Variants in PHACTR1 observed in about 807,000 individuals in gnomAD.
PHACTR1 encodes the protein RPEL repeat containing 1.
Under a neutral mutation model 69.2 loss-of-function variants are expected in PHACTR1, and 16 were observed. The ratio of observed to expected loss-of-function variants is 0.23; its 90% CI spans 0.16 to 0.35. The LOEUF is 0.35. PHACTR1 is among the 10% of genes least tolerant of loss of function. The pLI, the probability that PHACTR1 is intolerant of heterozygous loss-of-function variation, is 1.00. For missense variants in PHACTR1, 510 were observed against 734.7 expected (o/e 0.69, Z 3.54); for synonymous variants, 312 against 284.5 (o/e 1.10, Z -0.97).
At chr6:12,919,184 C>T (rs531519463) in intron 4 of PHACTR1, among the ~76,000 whole-genome samples, 1 of 151,898 alleles carries the variant, frequency 6.6e-6, no homozygotes, top group Non-Finnish European at 1.5e-5. Context: ...ACTCTATTGC[C>T]CAGGCTGGAG....
intron 4 of PHACTR1, among the ~76,000 whole-genome samples, chr6:12,893,517 T>A (rs941104793): frequency 6.6e-6 from 1 of 152,126 alleles, no homozygotes; most frequent in Non-Finnish European, 1.5e-5. Flanking sequence ...CATTATTACA[T>A]ACTTTATGAT....
At chr6:12,760,239 C>T (rs949606354) in intron 4 of PHACTR1, among the ~76,000 whole-genome samples, 1 of 152,162 alleles carries the variant, frequency 6.6e-6, no homozygotes, top group Non-Finnish European at 1.5e-5. Context: ...GAAACACTCA[C>T]AGGAGAAAAT....
rs143291728 is a variant in PHACTR1 at position 12,796,396 on chromosome 6, C to G, written c.250+46606C>G. The stretch of plus-strand genomic sequence containing the variant: ...TGAGACCTTGTTCCCAGTACAGACT[C>G]TGAACCAGCAGCAGTATTTATCCTG... On this transcript the variant is annotated intron_variant, in intron 4 of 14. Transcript: ENST00000332995. Among the ~76,000 whole-genome samples, 6 of 152,330 alleles carry G rather than the reference C, an allele frequency of 3.9e-5. No individual in the cohort carries two copies. The East Asian group carries it at 5.8e-4, about 15-fold the overall frequency.
At chr6:12,749,439 C>T (rs1766251835) in intron 3 of PHACTR1, 1 of 642,918 alleles carries the variant, frequency 1.6e-6, no homozygotes, top group African/African-American at 1.8e-5. Flanking sequence ...TTCTTTCTCT[C>T]CCTTCACCCC....
At chr6:13,039,344 A>G (rs1803824440) in intron 4 of PHACTR1, among the ~76,000 whole-genome samples, 1 of 152,192 alleles carries the variant, frequency 6.6e-6, no homozygotes, top group Admixed American at 6.5e-5. Flanking sequence ...TCAGTGAGAA[A>G]ACCTTCAAAA....
chr6:12,813,339 CA>C (rs990975344), intron 4 of PHACTR1, among the ~76,000 whole-genome samples: 33 of 152,172 alleles, frequency 2.2e-4, no homozygotes, highest in African/African-American at 7.0e-4. Flanking sequence ...GAACCAGCTT[CA>C]GGGGGGTCTA....
chr6:13,076,438 G>A (rs972941401), intron 5 of PHACTR1, among the ~76,000 whole-genome samples: 5 of 152,198 alleles, frequency 3.3e-5, no homozygotes, highest in Admixed American at 6.5e-5. Context: ...CAACAAACAC[G>A]GAACACCTAG....
rs548250531 is a variant in PHACTR1 at position 13,157,618 on chromosome 6, G to A, written c.416-2586G>A. ...AGTCCAGGGTTCTGCTCACCTCATT[G>A]CAGATCTTCCTTTAGCGCTGTAGAC... is the stretch of plus-strand genomic sequence containing the variant. On this transcript the variant is annotated intron_variant, in intron 5 of 14. Coordinates refer to ENST00000332995, the MANE Select transcript of PHACTR1 (RefSeq NM_030948.6). Among the ~76,000 whole-genome samples, 415 of 152,292 alleles carry A rather than the reference G, an allele frequency of 2.7e-3. 1 individual carries two copies. Among genetic ancestry groups the A allele is most frequent in the Non-Finnish European group, 4.5e-3 (304 of 68,032 alleles).
At chr6:13,280,928 T>C (rs1309566192) in intron 12 of PHACTR1, 3 of 1,285,934 alleles carry the variant, frequency 2.3e-6, no homozygotes, top group Non-Finnish European at 3.0e-6. Context: ...CATGAGCCCA[T>C]GCACACAGAG....
intron 4 of PHACTR1, among the ~76,000 whole-genome samples, chr6:13,011,271 T>C (rs1243785328): frequency 6.6e-6 from 1 of 152,198 alleles, no homozygotes; most frequent in Non-Finnish European, 1.5e-5. Context: ...TTAGTGCAAC[T>C]GAGGAAATGA....
chr6:12,964,377 C>T (rs1311785382), intron 4 of PHACTR1, among the ~76,000 whole-genome samples: 2 of 152,074 alleles, frequency 1.3e-5, no homozygotes, highest in African/African-American at 4.8e-5. Context: ...CTAGAAAAGG[C>T]TTTAGAGATG....
At chr6:13,264,253 C>A (rs1776303894) in intron 10 of PHACTR1, among the ~76,000 whole-genome samples, 1 of 152,190 alleles carries the variant, frequency 6.6e-6, no homozygotes, top group Non-Finnish European at 1.5e-5. Context: ...TCTTCTTCCA[C>A]TCAAAAATAA....
chr6:12,763,585 G>C (rs1040371897), intron 4 of PHACTR1, among the ~76,000 whole-genome samples: 1 of 152,312 alleles, frequency 6.6e-6, no homozygotes, highest in East Asian at 1.9e-4. Flanking sequence ...AGGTGGGAAA[G>C]AAACAATGAC....
At chr6:13,273,323 A>T (rs1401538469) in intron 11 of PHACTR1, 2 of 168,012 alleles carry the variant, frequency 1.2e-5, no homozygotes, top group African/African-American at 4.8e-5. Flanking sequence ...ACTAGAAAGC[A>T]TGACTTTGCA....
At chr6:13,272,987 A>C in intron 11 of PHACTR1, 72 bp downstream of exon 11, 2 of 1,592,416 alleles carry the variant, frequency 1.3e-6, no homozygotes, top group Non-Finnish European at 1.7e-6. Context: ...GGTAGGCCAC[A>C]AGGTTTCTAC....
rs530741132 is a variant in PHACTR1, at chr6:13,177,172, TAAAAAAAAAAAAAAAA to T, written c.497-5331_497-5316del. 2.1e-4 allele frequency among the ~76,000 whole-genome samples: 13 copies of T among 63,376 alleles called. 1 individual carries two copies. Among genetic ancestry groups the T allele is most frequent in the African/African-American group, 1.1e-3 (11 of 9,782 alleles). The allele number at this position is 63,376 out of a possible 152,430, so 41.6% of individuals were successfully genotyped here. On this transcript the variant is annotated intron_variant, in intron 6 of 14. Coordinates refer to ENST00000332995, the MANE Select transcript of PHACTR1 (RefSeq NM_030948.6). ...TGGCAAAATAGCAAGACCCCATCTC[TAAAAAAAAAAAAAAAA>T]AAAAAAAAAAAAAAATCCAGGCATG...
intron 3 of PHACTR1, among the ~76,000 whole-genome samples, chr6:12,737,025 C>A (rs1475422037): frequency 7.0e-6 from 1 of 143,674 alleles, no homozygotes; most frequent in East Asian, 2.8e-4. Context: ...ATATATATAC[C>A]TTACCCATAT....
Position 13,160,199 on chromosome 6 carries a change from T to G in PHACTR1, c.416-5T>G, listed in dbSNP as rs1222098739. 1 of 1,613,316 alleles carries G rather than the reference T, an allele frequency of 6.2e-7. No homozygotes were observed. On this transcript the variant is annotated splice_region_variant and splice_polypyrimidine_tract_variant and intron_variant, in intron 5 of 14. Coordinates refer to ENST00000332995, the MANE Select transcript of PHACTR1 (RefSeq NM_030948.6). ...TCTGCCTCCCTGTTTGTCTTTTGTT[T>G]GTAGCCCTGGAAAGGAAAATATCTA...
At chr6:13,066,900 A>G (rs1808735354) in intron 5 of PHACTR1, among the ~76,000 whole-genome samples, 1 of 152,176 alleles carries the variant, frequency 6.6e-6, no homozygotes, top group African/African-American at 2.4e-5. Context: ...GCTTAGTATT[A>G]CAGTCACATT....
Sources: allele counts gnomAD v4.1 joint callset (sites outside exome capture counted in the v4.1 genomes callset), GRCh38; gene constraint gnomAD v4.1.1; transcripts MANE v1.5; gene names NCBI Gene and HGNC (gene_info 2026-07-23, HGNC 2026-07-21).